Variants in COBLL1 observed in about 807,000 individuals in gnomAD.
COBLL1 encodes cordon-bleu protein-like 1.
A neutral mutation model predicts 94.8 loss-of-function variants in COBLL1; 50 were observed. The observed-to-expected ratio is 0.53, with a 90% CI of 0.42 to 0.67. The LOEUF (loss-of-function observed/expected upper bound fraction) is 0.67, where lower values mean the gene tolerates loss of function less well. Among genes scored for constraint, COBLL1 ranks in the 30% least tolerant of loss-of-function variants. The pLI is 0.00. For synonymous variants in COBLL1, 448 were observed against 473.8 expected (o/e 0.95, Z 0.71); for missense variants, 1,362 against 1,348.7 (o/e 1.01, Z -0.15).
chr2:164,805,363 A>ATTTATATATATATATATATATAT (rs1553480466), intron 2 of COBLL1, among the ~76,000 whole-genome samples: 2 of 115,888 alleles, frequency 1.7e-5, no homozygotes, highest in South Asian at 2.7e-4. Flanking sequence ...ATATATATAT[A>ATTTATATATATATATATATATAT]AAACTAAAGT....
chr2:164,710,566 C>CT (rs11307875), intron 7 of COBLL1, among the ~76,000 whole-genome samples: 93 of 142,266 alleles, frequency 6.5e-4, no homozygotes, highest in South Asian at 1.3e-3. Context: ...CAGCAGCATT[C>CT]TTTTTTTTTT....
chr2:164,798,860 A>G (rs754405399), intron 2 of COBLL1, among the ~76,000 whole-genome samples: 2 of 151,956 alleles, frequency 1.3e-5, no homozygotes, highest in South Asian at 4.2e-4. Flanking sequence ...TCTACTAACA[A>G]TACAAAAAAA....
Position 164,687,184 on chromosome 2 carries a change from C to G in COBLL1, c.3301-1152G>C. ...CTGTGAGATTTCTTTCCAAGTATAG[C>G]CAACAAATGACAGGTAATGACTTTC... On this transcript the variant is annotated intron_variant, in intron 13 of 13. Coordinates refer to ENST00000652658, the MANE Select transcript of COBLL1 (RefSeq NM_001365672.2). 7.5e-6 allele frequency: 3 copies of G among 397,404 alleles called. No homozygotes were observed. The East Asian group carries it at 1.5e-4, about 19-fold the overall frequency. The allele number at this position is 397,404 out of a possible 1,614,324, so 24.6% of individuals were successfully genotyped here. A position where few individuals can be genotyped will look rare whatever the true frequency, so the allele number is the denominator to read the frequency against.
chr2:164,680,572 T>C lies in COBLL1; in HGVS notation c.*5374A>G, dbSNP rs1682991157. On this transcript the variant is annotated 3_prime_UTR_variant, in exon 14 of 14. Coordinates refer to ENST00000652658, the MANE Select transcript of COBLL1 (RefSeq NM_001365672.2). ...CTTAGGGAGTCCTGGGCCTGCTCAC[T>C]TCTATTACTCATATGGCAGATTCTG... 1 of 152,178 alleles carries C rather than the reference T, an allele frequency of 6.6e-6. No homozygotes were observed. The highest frequency in any genetic ancestry group is 1.5e-5 in the Non-Finnish European group (1 of 68,036). 9.4% of individuals were successfully genotyped at this position (152,178 alleles called of 1,614,324 possible).
Position 164,694,334 on chromosome 2 carries a change from C to T in COBLL1, c.3058G>A (p.Glu1020Lys), listed in dbSNP as rs781237199. ...TTTACAGAATGAGTCTTCCCTTCCT[C>T]TGTGTTGGCTGGAGGTTGGACCAAT... Reference protein sequence around the residue: ...SALVQPPANTEEGKTHSVNKF... With the variant: ...SALVQPPANTKEGKTHSVNKF... The change falls in exon 12 of 14, where the codon GAG (glutamate) becomes AAG (lysine). Residue 1020 changes from glutamate (E) to lysine (K), a missense_variant. Physicochemically the swap from Glu to Lys is moderately conservative, Grantham distance 56. Transcript: ENST00000652658. The T allele has an allele frequency of 6.2e-7, 1 of 1,613,992 alleles. No homozygotes were observed. Among genetic ancestry groups the T allele is most frequent in the South Asian group, 1.1e-5 (1 of 91,068 alleles).
chr2:164,732,075 G>A (rs188391271), intron 3 of COBLL1, among the ~76,000 whole-genome samples: 2 of 152,170 alleles, frequency 1.3e-5, no homozygotes, highest in East Asian at 1.9e-4. Context: ...ATGGGATAAG[G>A]AGTATGTTTC....
intron 13 of COBLL1, chr2:164,687,685 G>T: frequency 1.4e-6 from 1 of 739,826 alleles, no homozygotes; most frequent in Non-Finnish European, 2.4e-6. Flanking sequence ...AGAGGAAACA[G>T]GCTGCATACA....
chr2:164,745,670 C>T (rs1200056780), intron 2 of COBLL1, among the ~76,000 whole-genome samples: 2 of 152,042 alleles, frequency 1.3e-5, no homozygotes, highest in Non-Finnish European at 2.9e-5. Flanking sequence ...AGGAAGAAAA[C>T]ACAACTTTCT....
At position 164,684,087 on chromosome 2, in the gene COBLL1, A is replaced by G. The variant is rs552161628; in HGVS notation, c.*1859T>C. 2.0e-5 allele frequency: 3 copies of G among 152,196 alleles called. No individual in the cohort carries two copies. Among genetic ancestry groups the G allele is most frequent in the African/African-American group, 7.2e-5 (3 of 41,538 alleles). 9.4% of individuals were successfully genotyped at this position (152,196 alleles called of 1,614,324 possible). A position where few individuals can be genotyped will look rare whatever the true frequency, so the allele number is the denominator to read the frequency against. On this transcript the variant is annotated 3_prime_UTR_variant, in exon 14 of 14. Coordinates refer to ENST00000652658, the MANE Select transcript of COBLL1 (RefSeq NM_001365672.2). The stretch of plus-strand genomic sequence containing the variant: ...GTTCCTGACAACACTTGCTATTTTG[A>G]AACTTCCGTTTTTGCTAATTTGATG...
At chr2:164,796,765 G>GGAGTTTGA (rs1254010020) in intron 2 of COBLL1, among the ~76,000 whole-genome samples, 1 of 148,970 alleles carries the variant, frequency 6.7e-6, no homozygotes, top group East Asian at 2.0e-4. Context: ...GCTGAGGCCA[G>GGAGTTTGA]GAGTTTGAGA....
intron 2 of COBLL1, among the ~76,000 whole-genome samples, chr2:164,799,406 A>G (rs13402599): frequency 0.36 from 54,252 of 152,090 alleles, 9,900 homozygotes; most frequent in Admixed American, 0.41. Flanking sequence ...CCATCAAAAT[A>G]TGTAGAGGAT....
intron 2 of COBLL1, among the ~76,000 whole-genome samples, chr2:164,793,088 A>G (rs936432772): frequency 6.6e-6 from 1 of 152,204 alleles, no homozygotes; most frequent in African/African-American, 2.4e-5. Context: ...TGAGATAATC[A>G]GCCTTTGGAA....
chr2:164,695,242 G>C lies in COBLL1; in HGVS notation c.2150C>G (p.Pro717Arg), dbSNP rs1318205323. The change falls in exon 12 of 14, where the codon CCT becomes CGT. Residue 717 changes from proline (P) to arginine (R), a missense_variant. Pro to Arg is a moderately radical substitution (Grantham distance 103). Coordinates refer to ENST00000652658, the MANE Select transcript of COBLL1 (RefSeq NM_001365672.2). ...YRQDYNPKPKPSNEITREYIP... is the reference protein window; with the variant it reads ...YRQDYNPKPKRSNEITREYIP... ...ATACTCTCGTGTAATTTCATTTGAA[G>C]GTTTTGGCTTGGGATTGTAGTCCTG... 5 of 1,613,792 alleles carry C rather than the reference G, an allele frequency of 3.1e-6. No individual in the cohort carries two copies. In the African/African-American group the frequency reaches 6.7e-5, roughly 22 times the overall value.
chr2:164,669,765 G>A (rs1691216567), intron 1 of COBLL1, among the ~76,000 whole-genome samples: 1 of 152,182 alleles, frequency 6.6e-6, no homozygotes, highest in Non-Finnish European at 1.5e-5. Flanking sequence ...AAATTTGCAT[G>A]TGGCTTAAAC....
chr2:164,703,661 CTAAA>C (rs1380662716), intron 9 of COBLL1: 8 of 382,306 alleles, frequency 2.1e-5, no homozygotes, highest in Non-Finnish European at 3.6e-5. Context: ...AGTGTTCCTC[CTAAA>C]TGTTTCCTGT....
At chr2:164,724,413 C>G (rs944862646) in intron 5 of COBLL1, 1 of 152,054 alleles carries the variant, frequency 6.6e-6, no homozygotes, top group African/African-American at 2.4e-5. Context: ...AATAAAATTT[C>G]AATGACATTG....
intron 2 of COBLL1, among the ~76,000 whole-genome samples, chr2:164,805,329 C>CTATATATATA (rs1412509415): frequency 1.5e-3 from 35 of 22,646 alleles, no homozygotes; most frequent in South Asian, 3.1e-3. Flanking sequence ...CTCTCTCTCT[C>CTATATATATA]TCTCTCTCTA....
At chr2:164,739,588 TCAGA>T (rs1372396692) in intron 3 of COBLL1, among the ~76,000 whole-genome samples, 1 of 152,168 alleles carries the variant, frequency 6.6e-6, no homozygotes, top group Non-Finnish European at 1.5e-5. Context: ...CAAGAAATAT[TCAGA>T]CAAATTCAGA....
At chr2:164,741,756 A>C (rs558711010) in intron 3 of COBLL1, among the ~76,000 whole-genome samples, 59 of 152,270 alleles carry the variant, frequency 3.9e-4, no homozygotes, top group African/African-American at 1.4e-3. Flanking sequence ...GGAAAAATCT[A>C]GGGTGCTTGT....
Sources: allele counts gnomAD v4.1 joint callset (sites outside exome capture counted in the v4.1 genomes callset), GRCh38; gene constraint gnomAD v4.1.1; transcripts MANE v1.5; gene names NCBI Gene and HGNC (gene_info 2026-07-23, HGNC 2026-07-21).